Variants in CENPK observed in about 807,000 individuals in gnomAD.
CENPK encodes the protein centromere protein K.
In CENPK, 46 loss-of-function variants were observed where a neutral mutation model predicts 40.9. The ratio of observed to expected loss-of-function variants is 1.13; its 90% confidence interval spans 0.89 to 1.44. The LOEUF (loss-of-function observed/expected upper bound fraction) is 1.44, where lower values mean the gene tolerates loss of function less well. CENPK is among the 40% of genes most tolerant of loss of function. CENPK has a pLI of 0.00. For synonymous variants in CENPK, 107 were observed against 104.4 expected (o/e 1.02, Z -0.15); for missense variants, 288 against 303.5 (o/e 0.95, Z 0.38).
chr5:65,519,473 A>G (rs577953248), intron 10 of CENPK, among the ~76,000 whole-genome samples: 1 of 152,366 alleles, frequency 6.6e-6, no homozygotes, highest in East Asian at 1.9e-4. Flanking sequence ...CACAAATTAC[A>G]AAAGTAGAAC....
the CENPK span, among the ~76,000 whole-genome samples, chr5:65,501,024 G>A: frequency 6.6e-6 from 1 of 151,818 alleles, no homozygotes; most frequent in Non-Finnish European, 1.5e-5. Flanking sequence ...TCCTCTTCAT[G>A]TTGCTATTGA....
At chr5:65,520,568 C>G (rs1340423955) in intron 10 of CENPK, among the ~76,000 whole-genome samples, 1 of 152,032 alleles carries the variant, frequency 6.6e-6, no homozygotes, top group Non-Finnish European at 1.5e-5. Flanking sequence ...TCAGCATAAA[C>G]TAGAGTAGCT....
Position 65,528,439 on chromosome 5 carries a change from CTCTAAAACTTA to C in CENPK, c.597+2_597+12del, listed in dbSNP as rs1745133735. 6.3e-7 allele frequency: 1 copy of C among 1,578,870 alleles called. No individual in the cohort carries two copies. The highest frequency in any genetic ancestry group is 1.4e-5 in the African/African-American group (1 of 72,448). The stretch of plus-strand genomic sequence containing the variant: ...ATATGATAATTTACATAAATGTCTT[CTCTAAAACTTA>C]CCTTTTTCTTTTTAACACTTCTATC... On this transcript the variant is annotated splice_donor_variant and splice_donor_5th_base_variant and intron_variant, in intron 9 of 10. Transcript: ENST00000396679. LOFTEE classifies it high-confidence loss of function.
At chr5:65,503,281 A>AT in the CENPK span, among the ~76,000 whole-genome samples, 8 of 151,764 alleles carry the variant, frequency 5.3e-5, no homozygotes, top group Admixed American at 5.2e-4. Context: ...TAATTTTTGT[A>AT]TTTTTAGTAG....
the CENPK span, among the ~76,000 whole-genome samples, chr5:65,505,017 A>G: frequency 6.6e-6 from 1 of 151,858 alleles, no homozygotes; most frequent in African/African-American, 2.4e-5. Context: ...GCAACCTTGA[A>G]CTCCAGGTAT....
chr5:65,545,638 A>C (rs1236913645), intron 5 of CENPK, among the ~76,000 whole-genome samples: 1 of 152,096 alleles, frequency 6.6e-6, no homozygotes, highest in African/African-American at 2.4e-5. Flanking sequence ...CAATAAAAGG[A>C]ATTTTAGAAG....
At chr5:65,514,253 T>TTTG (rs1742699921), downstream of CENPK, among the ~76,000 whole-genome samples, 1 of 28,346 alleles carries the variant, frequency 3.5e-5, no homozygotes, top group Non-Finnish European at 5.9e-5. Flanking sequence ...TTTTTTTTTT[T>TTTG]TTTTTTTTAG....
chr5:65,498,639 T>C, the CENPK span, among the ~76,000 whole-genome samples: 1 of 150,644 alleles, frequency 6.6e-6, no homozygotes, highest in Admixed American at 6.6e-5. Flanking sequence ...TTTTTCTTTT[T>C]TTTTTTTTAG....
At chr5:65,550,742 T>C (rs1228501821) in intron 5 of CENPK, 2 of 152,282 alleles carry the variant, frequency 1.3e-5, no homozygotes, top group East Asian at 1.9e-4. Context: ...GTATATTGCA[T>C]AGAGAAACTT....
intron 6 of CENPK, among the ~76,000 whole-genome samples, chr5:65,531,450 G>C (rs1039092131): frequency 6.8e-6 from 1 of 147,190 alleles, no homozygotes; most frequent in Admixed American, 6.9e-5. Context: ...GCAACATCAA[G>C]ATTTCTGGGA....
At chr5:65,530,654 G>A (rs551275375) in intron 6 of CENPK, among the ~76,000 whole-genome samples, 1 of 152,148 alleles carries the variant, frequency 6.6e-6, no homozygotes, top group African/African-American at 2.4e-5. Context: ...AAACCCTAAA[G>A]TAACTATGAA....
chr5:65,551,634 T>C lies in CENPK; in HGVS notation c.171A>G (p.Leu57=), dbSNP rs780631678. The C allele has an allele frequency of 1.4e-5, 22 of 1,552,826 alleles. No homozygotes were observed. Among genetic ancestry groups the C allele is most frequent in the Non-Finnish European group, 4.4e-6 (5 of 1,138,668 alleles). Residue 57 remains leucine, a splice_region_variant and synonymous_variant, in exon 5 of 11, where the codon CTA becomes CTG. Coordinates refer to ENST00000396679, the MANE Select transcript of CENPK (RefSeq NM_022145.5). The part of the protein sequence containing the change: ...TETLTDSNAQ[L]SLLIMQVKCL... ...ATTTTACTTGCATAATTAACAATGA[T>C]AGCTACAAAAGAAGAAAACAAAGTC...
chr5:65,516,596 G>A (rs1203416589), downstream of CENPK, among the ~76,000 whole-genome samples: 1 of 152,114 alleles, frequency 6.6e-6, no homozygotes, highest in African/African-American at 2.4e-5. Context: ...CCAAGGCAGA[G>A]AGGACCTGGA....
rs535041476 is a variant in CENPK, at chr5:65,557,931, T to G, written c.-39-2985A>C. 2.0e-5 allele frequency among the ~76,000 whole-genome samples: 3 copies of G among 152,288 alleles called. No homozygotes were observed. In the South Asian group the frequency reaches 6.2e-4, roughly 32 times the overall value. On this transcript the variant is annotated intron_variant, in intron 2 of 10. Transcript: ENST00000396679. ...CAAGGAATTAAAAATATTAAGTATA[T>G]GAAACGTTTTCAAGAACGTTTTCTC...
intron 6 of CENPK, chr5:65,529,475 T>A: frequency 3.7e-6 from 1 of 267,858 alleles, no homozygotes; most frequent in Non-Finnish European, 6.8e-6. Context: ...AATAAGAGAG[T>A]AGGTACCTTT....
At chr5:65,520,394 G>T (rs1457405566) in intron 10 of CENPK, among the ~76,000 whole-genome samples, 1 of 151,914 alleles carries the variant, frequency 6.6e-6, no homozygotes, top group Non-Finnish European at 1.5e-5. Flanking sequence ...ACAGTCTTAG[G>T]TATTTCTTTA....
At chr5:65,519,402 G>A (rs1274580719) in intron 10 of CENPK, among the ~76,000 whole-genome samples, 1 of 152,126 alleles carries the variant, frequency 6.6e-6, no homozygotes, top group Non-Finnish European at 1.5e-5. Flanking sequence ...GAAATACAGT[G>A]GAAAAACGCT....
chr5:65,561,416 G>A, intron 2 of CENPK, 47 bp downstream of exon 2: 1 of 417,142 alleles, frequency 2.4e-6, no homozygotes, highest in Admixed American at 2.6e-5. Context: ...ATTTAATGTG[G>A]CAGTAGAATA....
the CENPK span, among the ~76,000 whole-genome samples, chr5:65,496,044 C>A: frequency 6.6e-5 from 10 of 152,064 alleles, no homozygotes; most frequent in Non-Finnish European, 1.3e-4. Flanking sequence ...ATTGCTTGAG[C>A]CCAGAAGTTT....
Sources: gnomAD v4.1 joint callset for allele counts (sites outside exome capture counted in the v4.1 genomes callset) on GRCh38, gnomAD v4.1.1 for gene constraint, MANE v1.5 for transcripts, NCBI Gene and HGNC (gene_info 2026-07-23, HGNC 2026-07-21) for gene names.